Variants in SORCS2 observed in about 807,000 individuals in gnomAD.
The protein encoded by SORCS2 is VPS10 domain-containing receptor SorCS2.
Under a neutral mutation model 141.6 loss-of-function variants are expected in SORCS2, and 100 were observed. The observed-to-expected ratio is 0.71, with a 90% confidence interval of 0.60 to 0.83. The LOEUF is 0.83. SORCS2 is among the 40% of genes least tolerant of loss of function. The pLI, the probability that SORCS2 is intolerant of heterozygous loss-of-function variation, is 0.00. For missense variants in SORCS2, 1,646 were observed against 1,560.2 expected, an observed-to-expected ratio of 1.05 and a Z score of -0.93; for synonymous variants, 789 against 676.9, an observed-to-expected ratio of 1.17 and a Z score of -2.57.
At chr4:7,253,268 C>T (rs765071963) in intron 1 of SORCS2, among the ~76,000 whole-genome samples, 1 of 152,264 alleles carries the variant, frequency 6.6e-6, no homozygotes, top group African/African-American at 2.4e-5. Flanking sequence ...CAACCTGAGC[C>T]TCGCCGGGGA....
rs147040052 is a variant in SORCS2 at position 7,655,349 on chromosome 4, G to A, written c.887+1142G>A. The stretch of plus-strand genomic sequence containing the variant: ...ACGGAAAGGGCTTCCTACCCGTCCC[G>A]AGGGCTCAGGGCTGGAAGGGGAGCC... On this transcript the variant is annotated intron_variant, in intron 5 of 26. Coordinates refer to ENST00000507866, the MANE Select transcript of SORCS2 (RefSeq NM_020777.3). Among the ~76,000 whole-genome samples, 419 of 152,318 alleles carry A rather than the reference G, an allele frequency of 2.8e-3. 3 individuals are homozygous for A. The highest frequency in any genetic ancestry group is 9.7e-3 in the African/African-American group (403 of 41,576).
chr4:7,407,949 A>T (rs58564537), intron 2 of SORCS2, among the ~76,000 whole-genome samples: 59,131 of 151,684 alleles, frequency 0.39, 11,802 homozygotes, highest in Middle Eastern at 0.51. Flanking sequence ...AAACAAAAAA[A>T]ATTATGCCCT....
At chr4:7,706,072 C>CTGGGCTCTGCCTGGACAGGGATGAGGT (rs1725422287) in intron 14 of SORCS2, among the ~76,000 whole-genome samples, 1 of 133,888 alleles carries the variant, frequency 7.5e-6, no homozygotes, top group East Asian at 2.7e-4. Context: ...AGGGATGAGG[C>CTGGGCTCTGCCTGGACAGGGATGAGGT]TGGGCTCTGC....
chr4:7,592,375 G>T lies in SORCS2; in HGVS notation c.649-45953G>T, dbSNP rs575547414. On this transcript the variant is annotated intron_variant, in intron 3 of 26. Coordinates refer to ENST00000507866, the MANE Select transcript of SORCS2 (RefSeq NM_020777.3). ...GCAGTAATGAGCTTAGGCTCTGAGC[G>T]TTGGTGTCCTCATTCAAGAAACGGG... 2.5e-3 allele frequency among the ~76,000 whole-genome samples: 386 copies of T among 152,286 alleles called. 2 individuals carry two copies. Among genetic ancestry groups the T allele is most frequent in the Middle Eastern group, 6.8e-3 (2 of 294 alleles).
intron 1 of SORCS2, among the ~76,000 whole-genome samples, chr4:7,291,132 G>A (rs563706112): frequency 5.9e-5 from 9 of 152,146 alleles, no homozygotes; most frequent in African/African-American, 1.9e-4. Flanking sequence ...GACCCTGGGT[G>A]TCTAAGGCAG....
At chr4:7,574,388 C>T (rs1252694948) in intron 3 of SORCS2, among the ~76,000 whole-genome samples, 1 of 152,200 alleles carries the variant, frequency 6.6e-6, no homozygotes, top group African/African-American at 2.4e-5. Context: ...ACATAGAAAA[C>T]AGGGAGTTGT....
chr4:7,724,695 G>A (rs868678166), intron 19 of SORCS2, among the ~76,000 whole-genome samples: 1 of 69,322 alleles, frequency 1.4e-5, no homozygotes. Context: ...TGGTGGTGGT[G>A]TTGGTGATGG....
rs541927120 is a variant in SORCS2, at chr4:7,669,100, C to T, written c.1161+1887C>T. Among the ~76,000 whole-genome samples the T allele has an allele frequency of 4.6e-5, 7 of 152,334 alleles. No homozygotes were observed. The East Asian group carries it at 7.7e-4, about 17-fold the overall frequency. On this transcript the variant is annotated intron_variant, in intron 8 of 26. Coordinates refer to ENST00000507866, the MANE Select transcript of SORCS2 (RefSeq NM_020777.3). ...GCAGGAAGCACCAGGTCATGTCTCC[C>T]GCTGTGGACCCTTGACAGTGTGCAT...
chr4:7,308,980 G>A (rs1434367356), intron 1 of SORCS2, among the ~76,000 whole-genome samples: 1 of 152,128 alleles, frequency 6.6e-6, no homozygotes, highest in Non-Finnish European at 1.5e-5. Flanking sequence ...GGGGCCCATG[G>A]TTCTGGTATT....
At chr4:7,551,239 A>G (rs1433528506) in intron 3 of SORCS2, among the ~76,000 whole-genome samples, 2 of 152,084 alleles carry the variant, frequency 1.3e-5, no homozygotes, top group African/African-American at 2.4e-5. Flanking sequence ...ACTGCAAATA[A>G]AAGGATTGCT....
rs1285120043 is a variant in SORCS2, at chr4:7,331,452, C to T, written c.481-64836C>T. On this transcript the variant is annotated intron_variant, in intron 1 of 26. Transcript: ENST00000507866. ...TCATGAAGCTGGGAGTGACAGTACC[C>T]ACGCGGGAAGGAGGTACGGACTGCG... 2.0e-5 allele frequency among the ~76,000 whole-genome samples: 3 copies of T among 152,116 alleles called. No individual in the cohort carries two copies. The South Asian group carries it at 6.2e-4, about 32-fold the overall frequency.
rs145910498 is a variant in SORCS2 at position 7,735,710 on chromosome 4, G to A, written c.3311+1336G>A. On this transcript the variant is annotated intron_variant, in intron 25 of 26. Coordinates refer to ENST00000507866, the MANE Select transcript of SORCS2 (RefSeq NM_020777.3). ...CCGAACAGGTCTATCCAGGGGTTCC[G>A]TAGGCACTGCAAATTTAAATCAAAC... Among the ~76,000 whole-genome samples the A allele has an allele frequency of 3.6e-3, 542 of 152,258 alleles. 2 individuals are homozygous for A. Among genetic ancestry groups the A allele is most frequent in the Middle Eastern group, 0.02 (6 of 294 alleles).
intron 1 of SORCS2, among the ~76,000 whole-genome samples, chr4:7,283,294 A>G (rs114999100): frequency 8.0e-4 from 122 of 152,354 alleles, no homozygotes; most frequent in African/African-American, 2.8e-3. Context: ...GAGAGGGTCG[A>G]GGAGAGAATG....
At chr4:7,451,552 C>T (rs1024845343) in intron 2 of SORCS2, among the ~76,000 whole-genome samples, 1 of 152,264 alleles carries the variant, frequency 6.6e-6, no homozygotes, top group Non-Finnish European at 1.5e-5. Flanking sequence ...GACCAGCCTT[C>T]CACACACCTG....
intron 3 of SORCS2, among the ~76,000 whole-genome samples, chr4:7,563,242 T>C (rs1264441358): frequency 6.6e-6 from 1 of 152,114 alleles, no homozygotes; most frequent in Non-Finnish European, 1.5e-5. Flanking sequence ...TGAGGGACTC[T>C]TCAAACAATG....
At chr4:7,478,756 C>T (rs1730451352) in intron 2 of SORCS2, among the ~76,000 whole-genome samples, 1 of 152,118 alleles carries the variant, frequency 6.6e-6, no homozygotes, top group South Asian at 2.1e-4. Flanking sequence ...TGTGGGGGTT[C>T]CTGCTTTCTG....
intron 9 of SORCS2, among the ~76,000 whole-genome samples, chr4:7,681,230 T>C (rs1723507823): frequency 6.6e-6 from 1 of 152,192 alleles, no homozygotes; most frequent in Non-Finnish European, 1.5e-5. Flanking sequence ...GCATGTATGT[T>C]ACCTTATGTG....
At chr4:7,261,596 G>A (rs1281231453) in intron 1 of SORCS2, among the ~76,000 whole-genome samples, 3 of 152,230 alleles carry the variant, frequency 2.0e-5, no homozygotes, top group Non-Finnish European at 4.4e-5. Flanking sequence ...TTCCTTGAAT[G>A]ATCAGCTGTA....
chr4:7,542,537 A>G (rs1712762445), intron 3 of SORCS2, among the ~76,000 whole-genome samples: 1 of 152,194 alleles, frequency 6.6e-6, no homozygotes, highest in Non-Finnish European at 1.5e-5. Flanking sequence ...CTTGGAGCCC[A>G]CGACACCAAA....
Sources: allele counts gnomAD v4.1 joint callset (sites outside exome capture counted in the v4.1 genomes callset), GRCh38; gene constraint gnomAD v4.1.1; transcripts MANE v1.5; gene names NCBI Gene and HGNC (gene_info 2026-07-23, HGNC 2026-07-21).